Variants in PLD1 observed in about 807,000 individuals in gnomAD.
PLD1 encodes phospholipase D1.
A neutral mutation model predicts 137.1 loss-of-function variants in PLD1; 112 were observed. The observed-to-expected ratio is 0.82, with a 90% confidence interval of 0.70 to 0.96. PLD1 has a LOEUF of 0.96. Ranked by LOEUF, PLD1 falls within the 40% of genes least tolerant of loss-of-function variation. PLD1 has a pLI of 0.00. For missense variants in PLD1, 1,321 were observed against 1,342.0 expected (o/e 0.98, Z 0.24); for synonymous variants, 431 against 454.7 (o/e 0.95, Z 0.66).
At chr3:171,730,636 T>C (rs1310765306) in intron 6 of PLD1, among the ~76,000 whole-genome samples, 3 of 137,310 alleles carry the variant, frequency 2.2e-5, no homozygotes, top group African/African-American at 8.4e-5. Flanking sequence ...TTATAATAAA[T>C]CTATCTCCAC....
At chr3:171,758,347 C>A (rs1412663067) in intron 1 of PLD1, among the ~76,000 whole-genome samples, 1 of 152,172 alleles carries the variant, frequency 6.6e-6, no homozygotes, top group African/African-American at 2.4e-5. Flanking sequence ...CCTATCTGAA[C>A]TTAACTGGAC....
At chr3:171,688,636 G>T in intron 14 of PLD1, 40 bp downstream of exon 14, 1 of 1,413,996 alleles carries the variant, frequency 7.1e-7, no homozygotes, top group Non-Finnish European at 1.0e-6. Flanking sequence ...TACAAATTAT[G>T]TTCGTGTTAT....
At chr3:171,758,135 T>C (rs1015659886) in intron 1 of PLD1, among the ~76,000 whole-genome samples, 6 of 152,226 alleles carry the variant, frequency 3.9e-5, no homozygotes, top group Admixed American at 3.9e-4. Flanking sequence ...TACTAATAGC[T>C]AATAGTTAGC....
chr3:171,758,483 C>T (rs1052788693), intron 1 of PLD1, among the ~76,000 whole-genome samples: 1 of 152,222 alleles, frequency 6.6e-6, no homozygotes, highest in African/African-American at 2.4e-5. Flanking sequence ...CCTAGAGATC[C>T]TTGCTACTGA....
chr3:171,737,686 T>C, intron 2 of PLD1, 27 bp from the exon 3 acceptor site: 1 of 1,449,262 alleles, frequency 6.9e-7, no homozygotes, highest in Non-Finnish European at 9.5e-7. Context: ...ATAAAGTTAA[T>C]GCAATATATG....
chr3:171,737,415 CA>C, intron 3 of PLD1, 116 bp downstream of exon 3: 1 of 940,368 alleles, frequency 1.1e-6, no homozygotes, highest in Non-Finnish European at 1.5e-6. Flanking sequence ...TACATAAAAA[CA>C]AACAAACAAA....
chr3:171,703,029 G>C (rs774141410), intron 11 of PLD1, among the ~76,000 whole-genome samples: 2 of 152,052 alleles, frequency 1.3e-5, no homozygotes, highest in African/African-American at 2.4e-5. Flanking sequence ...ATTATCCTAA[G>C]ATATAAGGTT....
chr3:171,711,211 A>AC (rs1717199602), intron 9 of PLD1, among the ~76,000 whole-genome samples: 1 of 90,208 alleles, frequency 1.1e-5, no homozygotes, highest in Admixed American at 1.5e-4. Context: ...TTGCTTTGTC[A>AC]CCAGGCTGGA....
chr3:171,657,297 G>C (rs1360532845), intron 21 of PLD1, among the ~76,000 whole-genome samples: 2 of 152,112 alleles, frequency 1.3e-5, no homozygotes, highest in Non-Finnish European at 2.9e-5. Flanking sequence ...GTTATAATAT[G>C]TCCTTAAGTA....
At chr3:171,660,264 CA>C (rs1737557145) in intron 20 of PLD1, among the ~76,000 whole-genome samples, 1 of 152,186 alleles carries the variant, frequency 6.6e-6, no homozygotes, top group Non-Finnish European at 1.5e-5. Flanking sequence ...CTCCAGAAGA[CA>C]AACTTACAGG....
intron 21 of PLD1, among the ~76,000 whole-genome samples, chr3:171,652,643 C>A (rs1402887208): frequency 6.6e-6 from 1 of 151,588 alleles, no homozygotes; most frequent in East Asian, 1.9e-4. Flanking sequence ...GCTCTGTTAC[C>A]CAGGCTGGAG....
intron 12 of PLD1, among the ~76,000 whole-genome samples, chr3:171,696,453 A>C (rs555541424): frequency 1.3e-5 from 2 of 152,228 alleles, no homozygotes; most frequent in African/African-American, 4.8e-5. Flanking sequence ...AGAAACAGCC[A>C]TCATAAGAGA....
intron 1 of PLD1, among the ~76,000 whole-genome samples, chr3:171,740,143 A>G (rs944410747): frequency 2.6e-5 from 4 of 152,200 alleles, no homozygotes; most frequent in African/African-American, 7.2e-5. Flanking sequence ...AAAAGTATTC[A>G]GCCTCCCTTA....
Position 171,600,910 on chromosome 3 carries a change from C to T in PLD1, c.*2168G>A. 1 of 152,202 alleles carries T rather than the reference C, an allele frequency of 6.6e-6. No homozygotes were observed. The highest frequency in any genetic ancestry group is 1.9e-4 in the East Asian group (1 of 5,198). The allele number at this position is 152,202 out of a possible 1,614,324, so 9.4% of individuals were successfully genotyped here. On this transcript the variant is annotated 3_prime_UTR_variant, in exon 27 of 27. Coordinates refer to ENST00000351298, the MANE Select transcript of PLD1 (RefSeq NM_002662.5). ...CATCTCCTATGTGCCAAGCACTGGTCCAGGCTCTGGGGATACACTATGAAC... is the reference window on the plus strand; with the variant it reads ...CATCTCCTATGTGCCAAGCACTGGTTCAGGCTCTGGGGATACACTATGAAC...
rs938355459 is a variant in PLD1, at chr3:171,737,960, C to T, written c.92G>A (p.Arg31Gln). The T allele has an allele frequency of 4.3e-6, 7 of 1,613,790 alleles. No homozygotes were observed. Among genetic ancestry groups the T allele is most frequent in the East Asian group, 4.5e-5 (2 of 44,898 alleles). ...CTCCTCTCCCTCAAAGTGGAGTTCC[C>T]GCGTGTCCAGATTTTCTATGATATT... is the stretch of plus-strand genomic sequence containing the variant. Reference protein sequence around the residue: ...MSNIIENLDTRELHFEGEEVD... With the variant: ...MSNIIENLDTQELHFEGEEVD... Residue 31 changes from arginine to glutamine, a missense_variant, in exon 2 of 27, where the codon CGG (arginine) becomes CAG (glutamine). Coordinates refer to ENST00000351298, the MANE Select transcript of PLD1 (RefSeq NM_002662.5).
intron 1 of PLD1, among the ~76,000 whole-genome samples, chr3:171,747,421 C>T (rs1720311279): frequency 6.6e-6 from 1 of 151,706 alleles, no homozygotes; most frequent in Non-Finnish European, 1.5e-5. Context: ...CTATGGCCAG[C>T]CAGGAAATGA....
chr3:171,737,401 T>C, intron 3 of PLD1, 131 bp downstream of exon 3: 1 of 752,340 alleles, frequency 1.3e-6, no homozygotes, highest in Admixed American at 2.9e-5. Context: ...TTGGAAATGA[T>C]AGATACATAA....
At chr3:171,613,818 G>A (rs1365870041) in intron 24 of PLD1, among the ~76,000 whole-genome samples, 1 of 151,968 alleles carries the variant, frequency 6.6e-6, no homozygotes, top group Non-Finnish European at 1.5e-5. Flanking sequence ...ACCTCATCAC[G>A]TTTTTTTGCA....
rs186434981 is a variant in PLD1 at position 171,667,078 on chromosome 3, A to G, written c.2230-4908T>C. Reference sequence around the variant, plus strand: ...TCTCATCATAATGCTTTTATTCCCTATAAATTCAGCACATATATGAATTCC... The same window carrying G: ...TCTCATCATAATGCTTTTATTCCCTGTAAATTCAGCACATATATGAATTCC... On this transcript the variant is annotated intron_variant, in intron 19 of 26. Coordinates refer to ENST00000351298, the MANE Select transcript of PLD1 (RefSeq NM_002662.5). Among the ~76,000 whole-genome samples, 304 of 152,330 alleles carry G rather than the reference A, an allele frequency of 2.0e-3. 3 individuals carry two copies. The highest frequency in any genetic ancestry group is 7.0e-3 in the African/African-American group (293 of 41,570).
Sources: allele counts gnomAD v4.1 joint callset (sites outside exome capture counted in the v4.1 genomes callset), GRCh38; gene constraint gnomAD v4.1.1; transcripts MANE v1.5; gene names NCBI Gene and HGNC (gene_info 2026-07-23, HGNC 2026-07-21).